Variants in SH2D4A observed in about 807,000 individuals in gnomAD.
SH2D4A encodes the protein SH2 domain-containing protein 4A.
Under a neutral mutation model 64.7 loss-of-function variants are expected in SH2D4A, and 70 were observed. The observed-to-expected ratio is 1.08, with a 90% CI of 0.89 to 1.32. The LOEUF (loss-of-function observed/expected upper bound fraction) is 1.32, where lower values mean the gene tolerates loss of function less well. Ranked by LOEUF, SH2D4A falls within the 40% of genes most tolerant of loss-of-function variation. SH2D4A has a pLI of 0.00. For missense variants in SH2D4A, 706 were observed against 540.1 expected (o/e 1.31, Z -3.04); for synonymous variants, 268 against 200.7 (o/e 1.34, Z -2.83).
intron 3 of SH2D4A, among the ~76,000 whole-genome samples, chr8:19,333,914 G>T (rs2052401564): frequency 6.6e-6 from 1 of 152,126 alleles, no homozygotes; most frequent in East Asian, 1.9e-4. Context: ...GGAATGATGA[G>T]GTCTTCTGAG....
At chr8:19,382,680 A>G (rs999077066) in intron 8 of SH2D4A, among the ~76,000 whole-genome samples, 2 of 152,138 alleles carry the variant, frequency 1.3e-5, no homozygotes, top group African/African-American at 4.8e-5. Context: ...TACTGCCATC[A>G]TAAGTTGAGG....
intron 2 of SH2D4A, among the ~76,000 whole-genome samples, chr8:19,327,637 T>C (rs938706636): frequency 6.6e-6 from 1 of 152,190 alleles, no homozygotes; most frequent in African/African-American, 2.4e-5. Context: ...ACCCCAGGTA[T>C]ACTCCCTGCC....
chr8:19,374,381 T>G (rs754359837), intron 8 of SH2D4A, among the ~76,000 whole-genome samples: 4 of 152,144 alleles, frequency 2.6e-5, no homozygotes, highest in Non-Finnish European at 5.9e-5. Flanking sequence ...ATAAGGTCTG[T>G]GGTTGAATTG....
rs2053580874 is a variant in SH2D4A, at chr8:19,395,813, A to C, written c.*1171A>C. The stretch of plus-strand genomic sequence containing the variant: ...AAATGTCTGTTGTTTTAAGCTGCTT[A>C]GTTCATGCTGAGTTCATGCTGACTT... On this transcript the variant is annotated 3_prime_UTR_variant, in exon 10 of 10. Coordinates refer to ENST00000265807, the MANE Select transcript of SH2D4A (RefSeq NM_022071.4). The C allele has an allele frequency of 6.6e-6, 1 of 152,184 alleles. No individual in the cohort carries two copies. The highest frequency in any genetic ancestry group is 1.5e-5 in the Non-Finnish European group (1 of 68,042). The allele number at this position is 152,184 out of a possible 1,614,324, so 9.4% of individuals were successfully genotyped here.
Position 19,361,297 on chromosome 8 carries a change from C to T in SH2D4A, c.689C>T (p.Ser230Leu), listed in dbSNP as rs184291609. The T allele has an allele frequency of 1.6e-5, 25 of 1,611,070 alleles. No individual in the cohort carries two copies. The highest frequency in any genetic ancestry group is 4.5e-5 in the East Asian group (2 of 44,840). Residue 230 changes from serine to leucine, a missense_variant, in exon 6 of 10, where the codon TCG (serine) becomes TTG (leucine). By Grantham distance (145) the Ser-to-Leu change is moderately radical. Transcript: ENST00000265807. The part of the protein sequence containing the change: ...KQICKSWKED[S>L]EWQASLRKSK... ...ATTTGTAAGAGCTGGAAAGAAGACT[C>T]GGAATGGCAGGCATCTCGTGAGTAC...
chr8:19,328,112 C>G (rs1184385512), intron 2 of SH2D4A, among the ~76,000 whole-genome samples: 1 of 152,144 alleles, frequency 6.6e-6, no homozygotes, highest in Non-Finnish European at 1.5e-5. Flanking sequence ...CTTTTCCCTC[C>G]CCTTTCTTCT....
At chr8:19,315,491 G>A (rs1207984384) in intron 1 of SH2D4A, among the ~76,000 whole-genome samples, 1 of 152,156 alleles carries the variant, frequency 6.6e-6, no homozygotes, top group Non-Finnish European at 1.5e-5. Flanking sequence ...TTTTGTTTAG[G>A]TCTCAGAGTT....
At chr8:19,393,643 G>T in intron 9 of SH2D4A, 102 bp downstream of exon 9, 1 of 1,152,270 alleles carries the variant, frequency 8.7e-7, no homozygotes. Context: ...ACAAGTACTG[G>T]GGAGGGGACA....
In SH2D4A at chr8:19,366,473, G is replaced by T. The variant is rs1242151419; in HGVS notation, c.917+2191G>T. On this transcript the variant is annotated intron_variant, in intron 7 of 9. Transcript: ENST00000265807. ...TTTACCATCCCCCCTACTCTCCCCA[G>T]CCTCTGCTAACCACTGTTCCATACT... 2.0e-5 allele frequency among the ~76,000 whole-genome samples: 3 copies of T among 152,020 alleles called. No individual in the cohort carries two copies. The East Asian group carries it at 5.8e-4, about 29-fold the overall frequency.
At chr8:19,317,899 T>G (rs377016191) in intron 1 of SH2D4A, among the ~76,000 whole-genome samples, 11 of 152,250 alleles carry the variant, frequency 7.2e-5, no homozygotes, top group African/African-American at 2.6e-4. Flanking sequence ...CAATTTCTTT[T>G]TTTTTTCTTT....
At chr8:19,380,597 G>A (rs2053277215) in intron 8 of SH2D4A, among the ~76,000 whole-genome samples, 1 of 152,078 alleles carries the variant, frequency 6.6e-6, no homozygotes, top group Non-Finnish European at 1.5e-5. Flanking sequence ...ATGCGGTTAT[G>A]CAATTTTACC....
intron 8 of SH2D4A, among the ~76,000 whole-genome samples, chr8:19,378,664 G>T (rs1454220109): frequency 6.6e-6 from 1 of 152,064 alleles, no homozygotes; most frequent in Non-Finnish European, 1.5e-5. Context: ...TCGAACCCCT[G>T]ACCTCAGGTG....
chr8:19,316,229 A>C (rs1297665278), intron 1 of SH2D4A, among the ~76,000 whole-genome samples: 3 of 152,254 alleles, frequency 2.0e-5, no homozygotes, highest in Non-Finnish European at 2.9e-5. Flanking sequence ...TCTTGGAGGC[A>C]CAAGGAAGCC....
intron 4 of SH2D4A, among the ~76,000 whole-genome samples, chr8:19,343,870 T>C (rs1222471999): frequency 2.6e-5 from 4 of 152,160 alleles, no homozygotes; most frequent in Admixed American, 2.6e-4. Flanking sequence ...GCCAGTGGCC[T>C]GTTCACTGGT....
chr8:19,314,232 C>T (rs1260250234), intron 1 of SH2D4A, among the ~76,000 whole-genome samples: 2 of 152,146 alleles, frequency 1.3e-5, no homozygotes, highest in African/African-American at 4.8e-5. Context: ...GTGCAGGCCC[C>T]GGGAGGGTCC....
intron 8 of SH2D4A, among the ~76,000 whole-genome samples, chr8:19,376,525 G>A (rs984243732): frequency 6.6e-5 from 10 of 152,150 alleles, no homozygotes; most frequent in Non-Finnish European, 1.5e-4. Flanking sequence ...GGGAGGCTGA[G>A]GCAGGAGAAT....
chr8:19,369,436 A>G (rs1037136246), intron 7 of SH2D4A, among the ~76,000 whole-genome samples: 1 of 152,034 alleles, frequency 6.6e-6, no homozygotes, highest in Non-Finnish European at 1.5e-5. Context: ...TAAATGATTG[A>G]TAGGATTTGG....
At chr8:19,322,321 G>A (rs950065224) in intron 2 of SH2D4A, among the ~76,000 whole-genome samples, 1 of 152,134 alleles carries the variant, frequency 6.6e-6, no homozygotes, top group African/African-American at 2.4e-5. Context: ...ATCCCTGAAG[G>A]CTTGTGCTCC....
At chr8:19,350,005 A>T (rs1384849121) in intron 4 of SH2D4A, among the ~76,000 whole-genome samples, 1 of 152,112 alleles carries the variant, frequency 6.6e-6, no homozygotes, top group Non-Finnish European at 1.5e-5. Flanking sequence ...TGCCTAGCCT[A>T]TTATTTTTCT....
Sources: gnomAD v4.1 joint callset for allele counts (sites outside exome capture counted in the v4.1 genomes callset) on GRCh38, gnomAD v4.1.1 for gene constraint, MANE v1.5 for transcripts, NCBI Gene and HGNC (gene_info 2026-07-23, HGNC 2026-07-21) for gene names.